The following PRUNE1 variants were observed in gnomAD, a reference collection of about 807,000 sequenced individuals.
The protein encoded by PRUNE1 is prune exopolyphosphatase 1, also known as exopolyphosphatase PRUNE1.
A neutral mutation model predicts 42.5 loss-of-function variants in PRUNE1; 25 were observed. The observed-to-expected ratio is 0.59, with a 90% confidence interval of 0.43 to 0.82. The LOEUF (loss-of-function observed/expected upper bound fraction) is 0.82. PRUNE1 is among the 40% of genes least tolerant of loss of function. The pLI is 0.00. For missense variants in PRUNE1, 443 were observed against 539.3 expected (o/e 0.82, Z 1.77); for synonymous variants, 203 against 217.1 (o/e 0.93, Z 0.57).
chr1:151,011,629 A>AT (rs1334881110), intron 1 of PRUNE1, among the ~76,000 whole-genome samples: 1 of 152,106 alleles, frequency 6.6e-6, no homozygotes. Flanking sequence ...AGTAGTTATC[A>AT]TACCATATTC....
chr1:151,021,146 C>T (rs1026162184), intron 3 of PRUNE1, among the ~76,000 whole-genome samples: 1 of 80,618 alleles, frequency 1.2e-5, no homozygotes, highest in Non-Finnish European at 2.6e-5. Context: ...TGCTCTGTCT[C>T]AAAAAAAAAA....
intron 1 of PRUNE1, among the ~76,000 whole-genome samples, chr1:151,009,908 G>A (rs891286295): frequency 6.6e-6 from 1 of 152,082 alleles, no homozygotes; most frequent in Non-Finnish European, 1.5e-5. Context: ...TTGGGGCACC[G>A]TTCTAAGTGC....
chr1:151,029,371 T>C (rs1451687613), intron 7 of PRUNE1, among the ~76,000 whole-genome samples: 1 of 134,250 alleles, frequency 7.4e-6, no homozygotes. Context: ...GAAAGTTTTT[T>C]TTTTTTTTTT....
rs760231203 is a variant in PRUNE1 at position 151,033,824 on chromosome 1, C to T, written c.952C>T (p.Arg318Cys). Reference protein sequence around the residue: ...LQTTICEVLERSHSPPLKLTP... With the variant: ...LQTTICEVLECSHSPPLKLTP... ...TCTTTAGATCTGTGAAGTCCTGGAA[C>T]GCTCCCACTCTCCACCCCTGAAGCT... The change falls in exon 8 of 8, where the codon CGC becomes TGC. Residue 318 changes from arginine to cysteine, a missense_variant. Physicochemically the swap from Arg to Cys is radical, Grantham distance 180 (BLOSUM62 -3). Coordinates refer to ENST00000271620, the MANE Select transcript of PRUNE1 (RefSeq NM_021222.3). The T allele has an allele frequency of 8.7e-6, 14 of 1,613,504 alleles. No individual in the cohort carries two copies. Among genetic ancestry groups the T allele is most frequent in the Admixed American group, 1.7e-5 (1 of 59,938 alleles).
At chr1:151,012,604 A>G (rs1453256825) in intron 1 of PRUNE1, among the ~76,000 whole-genome samples, 4 of 152,210 alleles carry the variant, frequency 2.6e-5, no homozygotes, top group Admixed American at 1.3e-4. Flanking sequence ...CTGGGTGTTC[A>G]GGAAGGCTTC....
At position 151,027,584 on chromosome 1, in the gene PRUNE1, A is replaced by ATTT. The variant is rs34162206; in HGVS notation, c.774+273_774+275dup. Among the ~76,000 whole-genome samples, 49 of 134,976 alleles carry ATTT rather than the reference A, an allele frequency of 3.6e-4. 1 individual carries two copies. Among genetic ancestry groups the ATTT allele is most frequent in the East Asian group, 8.6e-4 (4 of 4,672 alleles). 88.5% of individuals were successfully genotyped at this position (134,976 alleles called of 152,430 possible). ...GCAGCAGCCAGAGTGGTCTTTTTTA[A>ATTT]TTTTTTTTTTTTTTTTTTAAGGGAG... is the stretch of plus-strand genomic sequence containing the variant. On this transcript the variant is annotated intron_variant, in intron 6 of 7. Coordinates refer to ENST00000271620, the MANE Select transcript of PRUNE1 (RefSeq NM_021222.3).
intron 7 of PRUNE1, 38 bp from the exon 8 acceptor site, chr1:151,033,768 A>G (rs1675391535): frequency 1.3e-6 from 2 of 1,564,130 alleles, no homozygotes; most frequent in Non-Finnish European, 1.8e-6. Flanking sequence ...TGCTACAGCA[A>G]GTTGTGTATC....
chr1:151,028,345 T>A (rs377355384), intron 6 of PRUNE1, among the ~76,000 whole-genome samples: 4 of 152,290 alleles, frequency 2.6e-5, no homozygotes, highest in East Asian at 1.9e-4. Context: ...GTTCAAGTAA[T>A]TCTCCTGCCT....
chr1:151,012,626 C>T (rs1400658459), intron 1 of PRUNE1, among the ~76,000 whole-genome samples: 2 of 152,036 alleles, frequency 1.3e-5, no homozygotes, highest in East Asian at 3.8e-4. Context: ...CAGAGAAAGA[C>T]ATTAGGTAGA....
intron 1 of PRUNE1, among the ~76,000 whole-genome samples, chr1:151,011,107 G>A (rs1247225445): frequency 6.6e-6 from 1 of 152,176 alleles, no homozygotes; most frequent in Non-Finnish European, 1.5e-5. Context: ...CTTGTGTAAA[G>A]AGAGAGAGGT....
In PRUNE1 at chr1:151,033,686, C is replaced by G. The variant is rs587612685; in HGVS notation, c.934-120C>G. On this transcript the variant is annotated intron_variant, in intron 7 of 7. Transcript: ENST00000271620. ...ATTGCAAGCGTGAGCCACCGCACCC[C>G]GCCCGGCCGACTTACTTTTTAAAAG... 59 of 1,006,124 alleles carry G rather than the reference C, an allele frequency of 5.9e-5. No individual in the cohort carries two copies. The East Asian group carries it at 1.3e-3, about 22-fold the overall frequency. The allele number at this position is 1,006,124 out of a possible 1,614,324, so 62.3% of individuals were successfully genotyped here.
At chr1:151,027,788 G>GCGCGCA (rs1178253191) in intron 6 of PRUNE1, among the ~76,000 whole-genome samples, 39 of 151,408 alleles carry the variant, frequency 2.6e-4, no homozygotes, top group African/African-American at 8.7e-4. Flanking sequence ...GTGTGCGCGC[G>GCGCGCA]CGTGTATGTA....
At chr1:151,014,187 G>C (rs1286758215) in intron 1 of PRUNE1, among the ~76,000 whole-genome samples, 1 of 152,168 alleles carries the variant, frequency 6.6e-6, no homozygotes, top group African/African-American at 2.4e-5. Context: ...CACCAGGTTA[G>C]CCAGGATAGT....
chr1:151,011,202 T>C (rs587711962), intron 1 of PRUNE1, among the ~76,000 whole-genome samples: 3 of 152,300 alleles, frequency 2.0e-5, no homozygotes, highest in African/African-American at 4.8e-5. Flanking sequence ...TGAATGCTCC[T>C]CTTTGTGCAG....
At chr1:151,028,527 G>A (rs191542856) in intron 6 of PRUNE1, among the ~76,000 whole-genome samples, 8 of 151,974 alleles carry the variant, frequency 5.3e-5, no homozygotes, top group South Asian at 2.1e-4. Context: ...TGGTTCAAGC[G>A]ATTCTCCTGC....
chr1:151,017,451 G>A (rs1296889515), intron 1 of PRUNE1, among the ~76,000 whole-genome samples: 1 of 151,946 alleles, frequency 6.6e-6, no homozygotes, highest in East Asian at 1.9e-4. Context: ...AGCCCTACAT[G>A]AGTATAAGGT....
chr1:151,008,763 G>T (rs1558069507), intron 1 of PRUNE1, 92 bp downstream of exon 1: 1 of 1,491,548 alleles, frequency 6.7e-7, no homozygotes, highest in Non-Finnish European at 9.3e-7. Flanking sequence ...GACGGTCCGT[G>T]TGGAGGGAAC....
chr1:151,028,170 T>C (rs1158244880), intron 6 of PRUNE1, among the ~76,000 whole-genome samples: 2 of 152,176 alleles, frequency 1.3e-5, no homozygotes, highest in Admixed American at 6.5e-5. Context: ...TGGGAGGTTT[T>C]TCCTGACCAC....
chr1:151,030,426 A>G (rs901451265), intron 7 of PRUNE1, among the ~76,000 whole-genome samples: 1 of 152,112 alleles, frequency 6.6e-6, no homozygotes, highest in African/African-American at 2.4e-5. Context: ...CCTTCTCCCC[A>G]GGAAGCAAAT....
Sources: gnomAD v4.1 joint callset for allele counts (sites outside exome capture counted in the v4.1 genomes callset) on GRCh38, gnomAD v4.1.1 for gene constraint, MANE v1.5 for transcripts, NCBI Gene and HGNC (gene_info 2026-07-23, HGNC 2026-07-21) for gene names.